The following NEK6 variants were observed in gnomAD, a reference collection of about 807,000 sequenced individuals.
The protein encoded by NEK6 is serine/threonine-protein kinase Nek6.
A neutral mutation model predicts 43.5 loss-of-function variants in NEK6; 27 were observed. The observed-to-expected ratio is 0.62, with a 90% CI of 0.46 to 0.86. The LOEUF (loss-of-function observed/expected upper bound fraction) is 0.86, where lower values mean the gene tolerates loss of function less well. NEK6 is among the 40% of genes least tolerant of loss of function. The pLI, the probability that NEK6 is intolerant of heterozygous loss-of-function variation, is 0.00. For synonymous variants in NEK6, 167 were observed against 164.1 expected, an observed-to-expected ratio of 1.02 and a Z score of -0.14; for missense variants, 318 against 414.4, an observed-to-expected ratio of 0.77 and a Z score of 2.02.
intron 1 of NEK6, among the ~76,000 whole-genome samples, chr9:124,283,137 C>T (rs1831997368): frequency 6.6e-6 from 1 of 152,280 alleles, no homozygotes; most frequent in Non-Finnish European, 1.5e-5. Context: ...AGCCCCACTT[C>T]TCTCCTGTGA....
chr9:124,318,551 T>C (rs1833925148), intron 4 of NEK6, among the ~76,000 whole-genome samples: 1 of 152,212 alleles, frequency 6.6e-6, no homozygotes, highest in African/African-American at 2.4e-5. Flanking sequence ...GTGGTTTTGA[T>C]TTACATTTCT....
chr9:124,326,202 T>TCCCCCCCCCCCC lies in NEK6; in HGVS notation c.406-117_406-116insCCCCCCCCCCCC, dbSNP rs61223297. 2.7e-3 allele frequency: 344 copies of TCCCCCCCCCCCC among 125,126 alleles called. 58 individuals carry two copies. The highest frequency in any genetic ancestry group is 4.4e-3 in the South Asian group (68 of 15,374). The allele number at this position is 125,126 out of a possible 1,614,324, so 7.8% of individuals were successfully genotyped here. ...GCTTATTGTTTGCTCAGTGGCTCAA[T>TCCCCCCCCCCCC]CCCCCCCCCCCGCCCCTGCCAGGCA... On this transcript the variant is annotated intron_variant, in intron 5 of 9. Coordinates refer to ENST00000320246, the MANE Select transcript of NEK6 (RefSeq NM_014397.6). The surrounding 1 kb of genome is among the most constrained non-coding windows in gnomAD (Gnocchi z 4.5).
At chr9:124,264,961 A>G (rs889447322) in intron 1 of NEK6, among the ~76,000 whole-genome samples, 3 of 152,148 alleles carry the variant, frequency 2.0e-5, no homozygotes, top group Admixed American at 6.6e-5. Flanking sequence ...TGTTTTACAT[A>G]AGGAGGTTTT....
intron 1 of NEK6, among the ~76,000 whole-genome samples, chr9:124,289,224 CACACACACACACA>C: frequency 7.1e-6 from 1 of 141,606 alleles, no homozygotes. Context: ...CACACACACA[CACACACACACACA>C]CTCCATCTGC....
chr9:124,326,203 C>CCT lies in NEK6; in HGVS notation c.406-126_406-125insTC. On this transcript the variant is annotated intron_variant, in intron 5 of 9. Transcript: ENST00000320246. The surrounding 1 kb of genome is among the most constrained non-coding windows in gnomAD (Gnocchi z 4.5). The stretch of plus-strand genomic sequence containing the variant: ...CTTATTGTTTGCTCAGTGGCTCAAT[C>CCT]CCCCCCCCCCGCCCCTGCCAGGCAC... 2 of 49,834 alleles carry CCT rather than the reference C, an allele frequency of 4.0e-5. No individual in the cohort carries two copies. Among genetic ancestry groups the CCT allele is most frequent in the Non-Finnish European group, 7.2e-5 (2 of 27,826 alleles). The allele number at this position is 49,834 out of a possible 1,614,324, so 3.1% of individuals were successfully genotyped here. A position where few individuals can be genotyped will look rare whatever the true frequency, so the allele number is the denominator to read the frequency against.
intron 7 of NEK6, among the ~76,000 whole-genome samples, chr9:124,336,467 C>G (rs972864163): frequency 6.6e-6 from 1 of 152,034 alleles, no homozygotes; most frequent in Non-Finnish European, 1.5e-5. Flanking sequence ...GTGTTTTTCC[C>G]GAAATCTCCT....
intron 7 of NEK6, among the ~76,000 whole-genome samples, chr9:124,328,623 C>T (rs1268777554): frequency 6.6e-6 from 1 of 152,248 alleles, no homozygotes; most frequent in Non-Finnish European, 1.5e-5. Flanking sequence ...GTGCCTGCGG[C>T]AAGCGGGGTG....
chr9:124,326,212 C>CCCCCCCCCCCCCCCCCCCCCT lies in NEK6; in HGVS notation c.406-117_406-116insCCCCCCCCCCCCCCCCCCCTC. The CCCCCCCCCCCCCCCCCCCCCT allele has an allele frequency of 1.1e-5, 2 of 190,358 alleles. No individual in the cohort carries two copies. The highest frequency in any genetic ancestry group is 1.3e-5 in the Non-Finnish European group (1 of 76,842). The allele number at this position is 190,358 out of a possible 1,614,324, so 11.8% of individuals were successfully genotyped here. A position where few individuals can be genotyped will look rare whatever the true frequency, so the allele number is the denominator to read the frequency against. ...TGCTCAGTGGCTCAATCCCCCCCCCCCGCCCCTGCCAGGCACCAGTTACCC... is the reference window on the plus strand; with the variant it reads ...TGCTCAGTGGCTCAATCCCCCCCCCCCCCCCCCCCCCCCCCCCCCCTCGCCCCTGCCAGGCACCAGTTACCC... On this transcript the variant is annotated intron_variant, in intron 5 of 9. Coordinates refer to ENST00000320246, the MANE Select transcript of NEK6 (RefSeq NM_014397.6). This position sits in a 1 kb window ranked among gnomAD's most constrained non-coding sequence, Gnocchi z 4.5.
intron 8 of NEK6, among the ~76,000 whole-genome samples, chr9:124,342,777 G>A (rs951383489): frequency 3.3e-5 from 5 of 152,202 alleles, no homozygotes; most frequent in African/African-American, 1.2e-4. Context: ...TTGTGTTTTT[G>A]TAAGCTGCTT....
chr9:124,335,703 G>T (rs554664072), intron 7 of NEK6, among the ~76,000 whole-genome samples: 1 of 152,180 alleles, frequency 6.6e-6, no homozygotes, highest in African/African-American at 2.4e-5. Context: ...ACTGGGATGC[G>T]GCAACAAACA....
In NEK6 at chr9:124,339,678, C is replaced by T. The variant is rs763145012; in HGVS notation, c.717+13C>T. On this transcript the variant is annotated intron_variant, in intron 8 of 9. Transcript: ENST00000320246. ...TCTGCTGTACGAGGTGAGTCTCTGT[C>T]CGTGGCTCAGCAGCATTTGGTGGGA... is the stretch of plus-strand genomic sequence containing the variant. The T allele has an allele frequency of 8.2e-6, 13 of 1,594,002 alleles. No homozygotes were observed. Among genetic ancestry groups the T allele is most frequent in the African/African-American group, 1.3e-5 (1 of 74,610 alleles).
intron 7 of NEK6, among the ~76,000 whole-genome samples, chr9:124,332,992 C>T (rs193047470): frequency 5.3e-5 from 8 of 152,194 alleles, no homozygotes; most frequent in African/African-American, 1.4e-4. Context: ...TCGGCATCGC[C>T]GGGAGATGGG....
intron 1 of NEK6, among the ~76,000 whole-genome samples, chr9:124,298,191 A>T (rs1266575085): frequency 6.6e-6 from 1 of 151,924 alleles, no homozygotes; most frequent in Non-Finnish European, 1.5e-5. Context: ...AGGAACCCTC[A>T]TCCCTTCCTT....
intron 7 of NEK6, among the ~76,000 whole-genome samples, chr9:124,333,153 G>A (rs779066214): frequency 6.6e-6 from 1 of 152,228 alleles, no homozygotes; most frequent in Non-Finnish European, 1.5e-5. Context: ...CCAGTGGCCC[G>A]CTGCAAGCTG....
chr9:124,324,875 T>C lies in NEK6; in HGVS notation c.406-1455T>C, dbSNP rs1257093243. Among the ~76,000 whole-genome samples the C allele has an allele frequency of 6.6e-6, 1 of 152,178 alleles. No homozygotes were observed. The highest frequency in any genetic ancestry group is 1.5e-5 in the Non-Finnish European group (1 of 68,020). On this transcript the variant is annotated intron_variant, in intron 5 of 9. Transcript: ENST00000320246. This position sits in a 1 kb window ranked among gnomAD's most constrained non-coding sequence, Gnocchi z 5.3. ...CCCATATCAATGGTTACTGGTGTTA[T>C]TAGAAGTGGGCTAAGGGGGCCAGGC...
chr9:124,313,874 C>G, intron 3 of NEK6, 49 bp from the exon 4 acceptor site: 1 of 1,606,552 alleles, frequency 6.2e-7, no homozygotes, highest in Admixed American at 1.7e-5. Flanking sequence ...CTTTGGGTCA[C>G]TGGACACAGA....
intron 1 of NEK6, among the ~76,000 whole-genome samples, chr9:124,259,660 C>G (rs1564608754): frequency 6.6e-6 from 1 of 152,136 alleles, no homozygotes; most frequent in Non-Finnish European, 1.5e-5. Flanking sequence ...TGTGGGGAGC[C>G]GTGGAATGAG....
intron 1 of NEK6, chr9:124,258,372 G>A: frequency 1.0e-6 from 1 of 979,754 alleles, no homozygotes; most frequent in Non-Finnish European, 1.2e-6. Context: ...GTGAGTGCGT[G>A]CGGGGACGCG....
In NEK6 at chr9:124,295,720, G is replaced by A. The variant is rs1053866358; in HGVS notation, c.-29-6216G>A. On this transcript the variant is annotated intron_variant, in intron 1 of 9. Coordinates refer to ENST00000320246, the MANE Select transcript of NEK6 (RefSeq NM_014397.6). ...CCTGCCTGGCGCATGTGTGGTGCAT[G>A]CTCTGTTGGCGGGGGCTGTTATTCT... 5.9e-5 allele frequency among the ~76,000 whole-genome samples: 9 copies of A among 152,342 alleles called. No homozygotes were observed. In the East Asian group the frequency reaches 1.5e-3, roughly 26 times the overall value.
Sources: gnomAD v4.1 joint callset for allele counts (sites outside exome capture counted in the v4.1 genomes callset) on GRCh38, gnomAD v4.1.1 for gene constraint, Gnocchi (gnomAD v3.1) non-coding constraint, MANE v1.5 for transcripts, NCBI Gene and HGNC (gene_info 2026-07-23, HGNC 2026-07-21) for gene names.